The following ACAD11 variants were observed in gnomAD, a reference collection of about 807,000 sequenced individuals.
ACAD11 encodes the protein acyl-CoA dehydrogenase family member 11, also known as acyl-Coenzyme A dehydrogenase family, member 11.
In ACAD11, 83 loss-of-function variants were observed where a neutral mutation model predicts 102.2. That is an observed-to-expected ratio of 0.81 (90% CI 0.68 to 0.97). The LOEUF is 0.97. Among genes scored for constraint, ACAD11 ranks in the 50% least tolerant of loss-of-function variants. The probability of loss-of-function intolerance (pLI) is 0.00; values close to 1 mark genes in which losing one functional copy is unlikely to be tolerated. For missense variants in ACAD11, 901 were observed against 951.7 expected (o/e 0.95, Z 0.70); for synonymous variants, 324 against 319.8 (o/e 1.01, Z -0.14).
rs1228103973 is a variant in ACAD11 at position 132,605,051 on chromosome 3, T to G, written c.1522+47A>C. ...ATTTCTTCAGCTCATCCATAATAAC[T>G]CCGGGACGACTGACTACACAAGGAG... On this transcript the variant is annotated intron_variant, in intron 12 of 19. Transcript: ENST00000264990. 2.7e-6 allele frequency: 4 copies of G among 1,455,016 alleles called. No homozygotes were observed. The African/African-American group carries it at 5.6e-5, about 20-fold the overall frequency. The allele number at this position is 1,455,016 out of a possible 1,614,324, so 90.1% of individuals were successfully genotyped here. A position where few individuals can be genotyped will look rare whatever the true frequency, so the allele number is the denominator to read the frequency against.
chr3:132,621,863 C>T (rs1939618956), intron 9 of ACAD11, among the ~76,000 whole-genome samples: 1 of 151,604 alleles, frequency 6.6e-6, no homozygotes, highest in Non-Finnish European at 1.5e-5. Context: ...GCTATAGTCC[C>T]AGCTACTCAG....
chr3:132,629,293 G>T (rs907700878), intron 7 of ACAD11, among the ~76,000 whole-genome samples: 4 of 152,010 alleles, frequency 2.6e-5, no homozygotes, highest in Admixed American at 1.3e-4. Flanking sequence ...TGAGTAGCTG[G>T]GACTACAGGC....
At chr3:132,567,080 G>A (rs1937234825) in intron 17 of ACAD11, among the ~76,000 whole-genome samples, 1 of 152,172 alleles carries the variant, frequency 6.6e-6, no homozygotes, top group African/African-American at 2.4e-5. Flanking sequence ...CTGGGTTTAA[G>A]CAATTCTTGT....
chr3:132,644,942 T>A (rs72628560), intron 1 of ACAD11, 46 bp from the exon 2 acceptor site: 142,013 of 1,174,042 alleles, frequency 0.12, 13,393 homozygotes, highest in East Asian at 0.57. Context: ...AAGATATGTT[T>A]TCCGTCATCC....
At chr3:132,589,937 G>C (rs374924663) in intron 13 of ACAD11, among the ~76,000 whole-genome samples, 144 of 152,182 alleles carry the variant, frequency 9.5e-4, no homozygotes, top group African/African-American at 3.4e-3. Context: ...TCATCATTTA[G>C]TTCCCACTTA....
Position 132,578,779 on chromosome 3 carries a change from A to T in ACAD11, c.1774+17T>A. ...TTCCTGCTTGCTAATGCATGGTCAT[A>T]TTTATTGGATACCTACCTGTGTAGC... is the stretch of plus-strand genomic sequence containing the variant. On this transcript the variant is annotated intron_variant, in intron 15 of 19. Coordinates refer to ENST00000264990, the MANE Select transcript of ACAD11 (RefSeq NM_032169.5). The T allele has an allele frequency of 6.2e-7, 1 of 1,611,048 alleles. No individual in the cohort carries two copies. The highest frequency in any genetic ancestry group is 1.1e-5 in the South Asian group (1 of 90,426).
chr3:132,576,947 G>A lies in ACAD11; in HGVS notation c.1843C>T (p.Leu615=). ...ATCATTTCCAAATTCAACTCACCTA[G>A]TATTAGATTTGTGGCAGGAACTCGC... ...QVRVPATNLI[L]GEGRGFEISQ... The change falls in exon 16 of 20, where the codon CTA becomes TTA. Residue 615 remains leucine, a synonymous_variant. Transcript: ENST00000264990. 6.2e-7 allele frequency: 1 copy of A among 1,601,572 alleles called. No homozygotes were observed. The highest frequency in any genetic ancestry group is 8.6e-7 in the Non-Finnish European group (1 of 1,169,276).
At chr3:132,636,955 G>T (rs1940298447) in intron 5 of ACAD11, among the ~76,000 whole-genome samples, 1 of 152,104 alleles carries the variant, frequency 6.6e-6, no homozygotes, top group Non-Finnish European at 1.5e-5. Context: ...AGTTTGAGAA[G>T]AAGGGAAAAG....
At chr3:132,579,636 T>A (rs1937570523) in intron 13 of ACAD11, 78 bp from the exon 14 acceptor site, 1 of 1,149,752 alleles carries the variant, frequency 8.7e-7, no homozygotes, top group Admixed American at 1.8e-5. Flanking sequence ...TTCTAATCCT[T>A]CCCACTTTAC....
chr3:132,642,545 T>G, intron 3 of ACAD11, 132 bp downstream of exon 3: 1 of 1,049,134 alleles, frequency 9.5e-7, no homozygotes, highest in Non-Finnish European at 1.3e-6. Context: ...TTGTAAACCT[T>G]TGCAATGCAA....
intron 1 of ACAD11, among the ~76,000 whole-genome samples, chr3:132,653,202 C>G (rs951420509): frequency 2.6e-5 from 4 of 152,130 alleles, no homozygotes; most frequent in Non-Finnish European, 5.9e-5. Context: ...ATTTATTCTC[C>G]CATTCTCTTG....
intron 9 of ACAD11, among the ~76,000 whole-genome samples, chr3:132,620,881 C>T (rs1446965166): frequency 3.3e-5 from 5 of 152,122 alleles, no homozygotes. Context: ...AAGCAATTCT[C>T]ACACACTCCA....
At chr3:132,619,667 A>C in intron 9 of ACAD11, 122 bp from the exon 10 acceptor site, 1 of 526,138 alleles carries the variant, frequency 1.9e-6, no homozygotes, top group South Asian at 3.1e-5. Flanking sequence ...GCTATTATTA[A>C]ACCAGACACA....
chr3:132,656,128 G>A (rs1049183742), intron 1 of ACAD11, among the ~76,000 whole-genome samples: 8 of 152,048 alleles, frequency 5.3e-5, no homozygotes, highest in African/African-American at 1.2e-4. Flanking sequence ...ATTTCTTCAC[G>A]TTTTTCATTC....
At chr3:132,643,335 A>G (rs1301082036) in intron 2 of ACAD11, among the ~76,000 whole-genome samples, 2 of 152,132 alleles carry the variant, frequency 1.3e-5, no homozygotes, top group African/African-American at 2.4e-5. Context: ...CTTTCCTGGC[A>G]CTCAGGACTG....
chr3:132,630,119 T>G (rs560010174), intron 7 of ACAD11, among the ~76,000 whole-genome samples: 2 of 152,186 alleles, frequency 1.3e-5, no homozygotes, highest in East Asian at 3.8e-4. Context: ...CAAAAGATTT[T>G]AGCTTTTTCT....
chr3:132,634,967 A>C (rs1047234272), intron 5 of ACAD11, among the ~76,000 whole-genome samples: 1 of 151,784 alleles, frequency 6.6e-6, no homozygotes, highest in Non-Finnish European at 1.5e-5. Context: ...TGACGAGTTA[A>C]TGGGTGCAGC....
intron 18 of ACAD11, 106 bp from the exon 19 acceptor site, chr3:132,560,048 A>C: frequency 1.2e-6 from 1 of 810,846 alleles, no homozygotes; most frequent in Non-Finnish European, 2.0e-6. Flanking sequence ...AGTCACCACT[A>C]AAACAGGATC....
intron 1 of ACAD11, among the ~76,000 whole-genome samples, chr3:132,651,387 C>A (rs1445104059): frequency 6.6e-6 from 1 of 152,150 alleles, no homozygotes; most frequent in African/African-American, 2.4e-5. Flanking sequence ...CACAGATGTC[C>A]CTTTTAACAT....
Sources: allele counts gnomAD v4.1 joint callset (sites outside exome capture counted in the v4.1 genomes callset), GRCh38; gene constraint gnomAD v4.1.1; transcripts MANE v1.5; gene names NCBI Gene and HGNC (gene_info 2026-07-23, HGNC 2026-07-21).